Variants in TMEM132C observed in about 807,000 individuals in gnomAD.
The protein encoded by TMEM132C is protein phosphatase 1, regulatory subunit 152.
Under a neutral mutation model 61.4 loss-of-function variants are expected in TMEM132C, and 29 were observed. That is an observed-to-expected ratio of 0.47 (90% CI 0.35 to 0.64). TMEM132C has a LOEUF of 0.64. TMEM132C is among the 30% of genes least tolerant of loss of function. TMEM132C has a pLI of 0.00. For synonymous variants in TMEM132C, 656 were observed against 633.1 expected (o/e 1.04, Z -0.54); for missense variants, 1,408 against 1,476.9 (o/e 0.95, Z 0.76).
chr12:128,490,088 T>C (rs1388889852), intron 2 of TMEM132C, among the ~76,000 whole-genome samples: 1 of 152,148 alleles, frequency 6.6e-6, no homozygotes, highest in Non-Finnish European at 1.5e-5. Context: ...GGACTAAGTA[T>C]GGATGAATAA....
intron 3 of TMEM132C, among the ~76,000 whole-genome samples, chr12:128,567,196 G>T (rs1874731070): frequency 1.3e-5 from 2 of 152,046 alleles, no homozygotes; most frequent in African/African-American, 4.8e-5. Context: ...CTCCTTCAAG[G>T]AGTGTTTCAC....
intron 1 of TMEM132C, among the ~76,000 whole-genome samples, chr12:128,401,514 A>G (rs899887106): frequency 3.3e-5 from 5 of 152,178 alleles, no homozygotes; most frequent in Admixed American, 6.5e-5. Flanking sequence ...TGGTATAGCT[A>G]TGTTGGAGCA....
intron 3 of TMEM132C, among the ~76,000 whole-genome samples, chr12:128,551,217 C>CCG (rs1874165016): frequency 7.0e-6 from 1 of 143,672 alleles, no homozygotes; most frequent in African/African-American, 3.0e-5. Context: ...GAGCCCCCCC[C>CCG]CTCCCGCTTC....
intron 6 of TMEM132C, 66 bp from the exon 7 acceptor site, chr12:128,695,764 G>C: frequency 6.8e-7 from 1 of 1,460,064 alleles, no homozygotes; most frequent in Non-Finnish European, 9.1e-7. Flanking sequence ...GTGAGCGCCT[G>C]CCTGTCTCAA....
chr12:128,497,949 C>T (rs749311910), intron 2 of TMEM132C, among the ~76,000 whole-genome samples: 47 of 152,260 alleles, frequency 3.1e-4, no homozygotes, highest in Non-Finnish European at 4.1e-4. Flanking sequence ...GAAGCTGTTC[C>T]TATTCGGCCA....
intron 1 of TMEM132C, among the ~76,000 whole-genome samples, chr12:128,323,542 C>T (rs1872404288): frequency 6.6e-6 from 1 of 152,194 alleles, no homozygotes; most frequent in African/African-American, 2.4e-5. Flanking sequence ...AGAGGCGAAT[C>T]TTTGCTGTGA....
intron 1 of TMEM132C, among the ~76,000 whole-genome samples, chr12:128,297,142 G>C (rs1871438814): frequency 6.6e-6 from 1 of 152,066 alleles, no homozygotes; most frequent in Non-Finnish European, 1.5e-5. Flanking sequence ...CTGTTTTTAG[G>C]GGCTGGACTG....
chr12:128,622,360 A>AAAAAAAAAAAAAAT (rs1277080166), intron 4 of TMEM132C, among the ~76,000 whole-genome samples: 3 of 30,116 alleles, frequency 1.0e-4, no homozygotes, highest in African/African-American at 3.3e-4. Context: ...AAAAAAAAAA[A>AAAAAAAAAAAAAAT]ATATATATAT....
rs149530647 is a variant in TMEM132C, at chr12:128,279,880, G to C, written c.85+12393G>C. Among the ~76,000 whole-genome samples the C allele has an allele frequency of 3.3e-3, 498 of 152,264 alleles. 7 individuals are homozygous for C. The highest frequency in any genetic ancestry group is 1.9e-3 in the East Asian group (10 of 5,182). ...ATTCCCTAGAATTAAAGCTCCATGA[G>C]AACAGAAATTTCAGCCTATTGTTTC... On this transcript the variant is annotated intron_variant, in intron 1 of 8. Transcript: ENST00000435159.
intron 3 of TMEM132C, among the ~76,000 whole-genome samples, chr12:128,613,036 T>G (rs1463569219): frequency 6.6e-6 from 1 of 152,072 alleles, no homozygotes; most frequent in East Asian, 1.9e-4. Context: ...CAGAACTTTG[T>G]AAGAGAGTGA....
At chr12:128,535,544 T>C (rs148999564) in intron 2 of TMEM132C, among the ~76,000 whole-genome samples, 25 of 152,168 alleles carry the variant, frequency 1.6e-4, no homozygotes, top group African/African-American at 6.0e-4. Context: ...TGAGATACCA[T>C]CTCATGCCAG....
chr12:128,400,604 T>G (rs1875122090), intron 1 of TMEM132C, among the ~76,000 whole-genome samples: 3 of 150,980 alleles, frequency 2.0e-5, no homozygotes, highest in South Asian at 2.1e-4. Context: ...CTTTTGTTTT[T>G]TTTTTTTTTT....
At position 128,704,436 on chromosome 12, in the gene TMEM132C, G is replaced by A. The variant is rs562120660; in HGVS notation, c.2122-654G>A. 4.6e-5 allele frequency among the ~76,000 whole-genome samples: 7 copies of A among 152,304 alleles called. No homozygotes were observed. In the South Asian group the frequency reaches 1.0e-3, roughly 23 times the overall value. On this transcript the variant is annotated intron_variant, in intron 8 of 8. Coordinates refer to ENST00000435159, the MANE Select transcript of TMEM132C (RefSeq NM_001136103.3). ...AACCGGGCCCACCAGCCAATGCCAT[G>A]TACTGTGTCCCACACATCACTGCCG...
chr12:128,686,098 A>ATGTGTGTGCATG (rs1245491945), intron 5 of TMEM132C, among the ~76,000 whole-genome samples: 9 of 147,152 alleles, frequency 6.1e-5, no homozygotes, highest in Admixed American at 1.3e-4. Context: ...TTGTGTGCGC[A>ATGTGTGTGCATG]TGTGTGTGCA....
At chr12:128,527,431 A>T (rs1390440286) in intron 2 of TMEM132C, among the ~76,000 whole-genome samples, 1 of 152,126 alleles carries the variant, frequency 6.6e-6, no homozygotes, top group East Asian at 1.9e-4. Context: ...TCAAGTATTG[A>T]TAGGGCAGCT....
At chr12:128,669,020 C>A (rs182908566) in intron 4 of TMEM132C, among the ~76,000 whole-genome samples, 5 of 152,306 alleles carry the variant, frequency 3.3e-5, no homozygotes, top group Admixed American at 6.5e-5. Flanking sequence ...GCATGGATAT[C>A]TTTTGCAGGA....
chr12:128,651,396 T>A (rs1477630127), intron 4 of TMEM132C, among the ~76,000 whole-genome samples: 1 of 152,232 alleles, frequency 6.6e-6, no homozygotes, highest in East Asian at 1.9e-4. Flanking sequence ...CAGGCCAAGA[T>A]CCTGCTGCTT....
intron 2 of TMEM132C, among the ~76,000 whole-genome samples, chr12:128,540,991 G>GTC (rs762061667): frequency 2.1e-5 from 2 of 97,316 alleles, no homozygotes; most frequent in Admixed American, 1.0e-4. Context: ...CTGTCTGTAT[G>GTC]TCTCTGTCTG....
At chr12:128,437,047 C>T (rs7979488) in intron 2 of TMEM132C, among the ~76,000 whole-genome samples, 26,665 of 151,838 alleles carry the variant, frequency 0.18, 2,837 homozygotes, top group East Asian at 0.32. Flanking sequence ...ATCACAAGGA[C>T]AGAAAACCAG....
Sources: allele counts gnomAD v4.1 joint callset (sites outside exome capture counted in the v4.1 genomes callset), GRCh38; gene constraint gnomAD v4.1.1; transcripts MANE v1.5; gene names NCBI Gene and HGNC (gene_info 2026-07-23, HGNC 2026-07-21).